The following PPM1H variants were observed in gnomAD, a reference collection of about 807,000 sequenced individuals.
PPM1H encodes protein phosphatase 1H.
In PPM1H, 27 loss-of-function variants were observed where a neutral mutation model predicts 54.9. That is an observed-to-expected ratio of 0.49 (90% CI 0.36 to 0.68). The LOEUF (loss-of-function observed/expected upper bound fraction) is 0.68, where lower values mean the gene tolerates loss of function less well. Among genes scored for constraint, PPM1H ranks in the 30% least tolerant of loss-of-function variants. The pLI is 0.00. For missense variants in PPM1H, 596 were observed against 667.8 expected (o/e 0.89, Z 1.19); for synonymous variants, 305 against 270.8 (o/e 1.13, Z -1.24).
At chr12:62,791,783 G>T (rs1298245791) in intron 3 of PPM1H, among the ~76,000 whole-genome samples, 1 of 152,158 alleles carries the variant, frequency 6.6e-6, no homozygotes, top group Non-Finnish European at 1.5e-5. Context: ...AGTTAGCTGG[G>T]TATGGTGGTG....
At chr12:62,877,954 G>A (rs970306237) in intron 1 of PPM1H, among the ~76,000 whole-genome samples, 1 of 152,174 alleles carries the variant, frequency 6.6e-6, no homozygotes, top group Non-Finnish European at 1.5e-5. Flanking sequence ...CTGGAGTGCA[G>A]TAGCACAATC....
intron 1 of PPM1H, among the ~76,000 whole-genome samples, chr12:62,900,349 G>C (rs1392906165): frequency 6.6e-6 from 1 of 151,482 alleles, no homozygotes; most frequent in Admixed American, 6.6e-5. Flanking sequence ...TGAACCCTTG[G>C]ACACAGGAAG....
At chr12:62,871,717 T>C (rs1205139553) in intron 1 of PPM1H, among the ~76,000 whole-genome samples, 1 of 152,014 alleles carries the variant, frequency 6.6e-6, no homozygotes, top group Non-Finnish European at 1.5e-5. Context: ...GGTTTTGCCA[T>C]GTTGCCCAGG....
chr12:62,700,712 C>T lies in PPM1H; in HGVS notation c.1074-6713G>A, dbSNP rs576784544. Among the ~76,000 whole-genome samples the T allele has an allele frequency of 1.7e-4, 26 of 152,284 alleles. 1 individual carries two copies. In the South Asian group the frequency reaches 4.6e-3, roughly 27 times the overall value. On this transcript the variant is annotated intron_variant, in intron 6 of 9. Coordinates refer to ENST00000228705, the MANE Select transcript of PPM1H (RefSeq NM_020700.2). ...TAGGATGATGTCACCAGGTGGATGGCAGTGAGAGTGTTGAAAACTGTTCTG... is the reference window on the plus strand; with the variant it reads ...TAGGATGATGTCACCAGGTGGATGGTAGTGAGAGTGTTGAAAACTGTTCTG...
At chr12:62,711,875 G>A (rs540840774) in intron 6 of PPM1H, among the ~76,000 whole-genome samples, 31 of 152,238 alleles carry the variant, frequency 2.0e-4, no homozygotes, top group African/African-American at 7.2e-4. Context: ...GACAAAGCCT[G>A]TCTGTCTTGG....
At chr12:62,926,555 C>A (rs3858673) in intron 1 of PPM1H, among the ~76,000 whole-genome samples, 14,646 of 152,030 alleles carry the variant, frequency 0.096, 791 homozygotes, top group East Asian at 0.21. Context: ...AAAAATATCA[C>A]AACATAATAG....
intron 8 of PPM1H, among the ~76,000 whole-genome samples, chr12:62,670,639 G>T (rs561629406): frequency 6.6e-6 from 1 of 152,142 alleles, no homozygotes; most frequent in African/African-American, 2.4e-5. Context: ...ACATACACAC[G>T]TTATAAAATG....
intron 1 of PPM1H, among the ~76,000 whole-genome samples, chr12:62,919,906 A>G (rs1000575941): frequency 2.7e-5 from 4 of 147,804 alleles, no homozygotes; most frequent in Admixed American, 2.7e-4. Context: ...GAGGACAGGC[A>G]GGGCTTCAAG....
At chr12:62,923,178 GAACTT>G (rs1427353725) in intron 1 of PPM1H, among the ~76,000 whole-genome samples, 1 of 152,042 alleles carries the variant, frequency 6.6e-6, no homozygotes, top group Non-Finnish European at 1.5e-5. Context: ...CTATGGAAAA[GAACTT>G]AAAAGCATAA....
chr12:62,649,493 C>A (rs987645887), intron 9 of PPM1H, among the ~76,000 whole-genome samples: 1 of 152,104 alleles, frequency 6.6e-6, no homozygotes, highest in Non-Finnish European at 1.5e-5. Flanking sequence ...AAAAATGAGA[C>A]AAAACATTGG....
At chr12:62,831,367 T>C (rs1868354346) in intron 2 of PPM1H, among the ~76,000 whole-genome samples, 1 of 152,150 alleles carries the variant, frequency 6.6e-6, no homozygotes, top group Non-Finnish European at 1.5e-5. Context: ...CGTCCTTTGC[T>C]GAGAGCTTCT....
At chr12:62,781,641 T>C (rs1327038649) in intron 4 of PPM1H, among the ~76,000 whole-genome samples, 1 of 152,252 alleles carries the variant, frequency 6.6e-6, no homozygotes, top group Non-Finnish European at 1.5e-5. Context: ...AGCAGTGATC[T>C]GCTCTCCTAA....
At chr12:62,925,967 G>T (rs1280903032) in intron 1 of PPM1H, among the ~76,000 whole-genome samples, 3 of 152,192 alleles carry the variant, frequency 2.0e-5, no homozygotes, top group Non-Finnish European at 4.4e-5. Flanking sequence ...TATAGTAGTA[G>T]AATCTTCGAA....
intron 2 of PPM1H, among the ~76,000 whole-genome samples, chr12:62,806,119 T>A (rs2076803819): frequency 6.6e-6 from 1 of 152,010 alleles, no homozygotes; most frequent in Non-Finnish European, 1.5e-5. Flanking sequence ...AAGGTATGGA[T>A]ATAACATCTA....
chr12:62,890,062 C>A lies in PPM1H; in HGVS notation c.245+44430G>T, dbSNP rs138307577. Among the ~76,000 whole-genome samples, 21 of 152,216 alleles carry A rather than the reference C, an allele frequency of 1.4e-4. No individual in the cohort carries two copies. In the East Asian group the frequency reaches 3.5e-3, roughly 25 times the overall value. The stretch of plus-strand genomic sequence containing the variant: ...ATTATTATTGAAAACATACTAAGAA[C>A]TCTTAAAACTCAACAATAAAAAAAC... On this transcript the variant is annotated intron_variant, in intron 1 of 9. Coordinates refer to ENST00000228705, the MANE Select transcript of PPM1H (RefSeq NM_020700.2).
chr12:62,804,248 G>T (rs1368890074), intron 2 of PPM1H, among the ~76,000 whole-genome samples: 1 of 151,666 alleles, frequency 6.6e-6, no homozygotes, highest in Admixed American at 6.6e-5. Context: ...CAGCTACTCA[G>T]AAAGTTGAAA....
rs1225565440 is a variant in PPM1H, at chr12:62,644,886, A to G, written c.*3603T>C. 1 of 152,220 alleles carries G rather than the reference A, an allele frequency of 6.6e-6. No homozygotes were observed. Among genetic ancestry groups the G allele is most frequent in the Non-Finnish European group, 1.5e-5 (1 of 68,050 alleles). The allele number at this position is 152,220 out of a possible 1,614,324, so 9.4% of individuals were successfully genotyped here. ...GTTCTTTGCGTAGACAATGACTCTC[A>G]CAGCTTTCTCCAAGTGTCCCAGAAG... On this transcript the variant is annotated 3_prime_UTR_variant, in exon 10 of 10. Coordinates refer to ENST00000228705, the MANE Select transcript of PPM1H (RefSeq NM_020700.2).
At chr12:62,905,728 G>A (rs751419750) in intron 1 of PPM1H, among the ~76,000 whole-genome samples, 9 of 152,168 alleles carry the variant, frequency 5.9e-5, no homozygotes, top group Non-Finnish European at 1.2e-4. Flanking sequence ...AAAGAAAATC[G>A]AAGTGTGTCA....
intron 2 of PPM1H, among the ~76,000 whole-genome samples, chr12:62,806,895 AAG>A (rs1838701817): frequency 6.6e-6 from 1 of 152,246 alleles, no homozygotes; most frequent in Admixed American, 6.5e-5. Flanking sequence ...AGTCTGATCA[AAG>A]AGAGGACAAG....
Sources: allele counts gnomAD v4.1 joint callset (sites outside exome capture counted in the v4.1 genomes callset), GRCh38; gene constraint gnomAD v4.1.1; transcripts MANE v1.5; gene names NCBI Gene and HGNC (gene_info 2026-07-23, HGNC 2026-07-21).